Variants in SMARCC2 observed in about 807,000 individuals in gnomAD.
SMARCC2 encodes SWI/SNF related BAF chromatin remodeling complex subunit C2.
In SMARCC2, 15 loss-of-function variants were observed where a neutral mutation model predicts 151.3. The observed-to-expected ratio is 0.10, with a 90% CI of 0.07 to 0.15. SMARCC2 has a LOEUF of 0.15. SMARCC2 is among the 10% of genes least tolerant of loss of function. The pLI is 1.00. For missense variants in SMARCC2, 1,031 were observed against 1,599.7 expected, an observed-to-expected ratio of 0.64 and a Z score of 6.06; for synonymous variants, 590 against 609.5, an observed-to-expected ratio of 0.97 and a Z score of 0.47.
chr12:56,180,023 T>A (rs76607797), intron 11 of SMARCC2, among the ~76,000 whole-genome samples: 4,744 of 152,218 alleles, frequency 0.031, 247 homozygotes, highest in African/African-American at 0.11. Context: ...CATTTTTCAA[T>A]TTTTTAGATA....
chr12:56,165,570 G>A lies in SMARCC2; in HGVS notation c.2980C>T (p.Pro994Ser), dbSNP rs768511269. Residue 994 changes from proline to serine, a missense_variant, in exon 27 of 29, where the codon CCA (proline) becomes TCA (serine). By Grantham distance (74) the Pro-to-Ser change is moderately conservative. This residue lies in a region of SMARCC2 where 310 missense variants were observed against 350.0 expected (regional missense o/e 0.89). Coordinates refer to ENST00000550164, the MANE Select transcript of SMARCC2 (RefSeq NM_001330288.2). ...GGCTGGGAGCCTGGGGGCAGGGCTGGTGGTGGCTGCTGCTGCTGTTGGTGC... is the reference window on the plus strand; with the variant it reads ...GGCTGGGAGCCTGGGGGCAGGGCTGATGGTGGCTGCTGCTGCTGTTGGTGC... The part of the protein sequence containing the change: ...QMHQQQQQPP[P>S]ALPPGSQPIP... 1.2e-6 allele frequency: 2 copies of A among 1,613,516 alleles called. No homozygotes were observed. The highest frequency in any genetic ancestry group is 2.2e-5 in the East Asian group (1 of 44,890).
At chr12:56,180,363 C>T (rs985048977) in intron 11 of SMARCC2, among the ~76,000 whole-genome samples, 1 of 150,604 alleles carries the variant, frequency 6.6e-6, no homozygotes, top group Admixed American at 6.6e-5. Context: ...CCCACCTCGG[C>T]CTGCCAAAGT....
rs111975931 is a variant in SMARCC2, at chr12:56,170,203, T to A, written c.2353A>T (p.Ser785Cys). 139 of 1,613,366 alleles carry A rather than the reference T, an allele frequency of 8.6e-5. 2 individuals are homozygous for A. In the East Asian group the frequency reaches 2.8e-3, roughly 32 times the overall value. ...TCCACCCGAGCCTCGTCATTCCCGC[T>A]CTCCTCTGGGCCCATGAGAAAAGAA... ...TSDEPERIEE[S>C]GNDEARVEGQ... Residue 785 changes from serine (S) to cysteine (C), a missense_variant, in exon 23 of 29, where the codon AGC becomes TGC. Ser to Cys is a moderately radical substitution (Grantham distance 112). Around this residue, in one of 12 missense-constraint regions of SMARCC2, gnomAD observed 119 missense variants for 184.2 expected, o/e 0.65. Coordinates refer to ENST00000550164, the MANE Select transcript of SMARCC2 (RefSeq NM_001330288.2).
intron 5 of SMARCC2, 38 bp from the exon 6 acceptor site, chr12:56,184,282 C>T (rs1375147582): frequency 6.8e-7 from 1 of 1,477,540 alleles, no homozygotes; most frequent in East Asian, 2.3e-5. Flanking sequence ...ATTATGGTCC[C>T]CTCTGAATTA....
intron 6 of SMARCC2, 52 bp from the exon 7 acceptor site, chr12:56,183,982 A>G (rs1242301236): frequency 7.2e-7 from 1 of 1,396,868 alleles, no homozygotes; most frequent in Non-Finnish European, 1.0e-6. Context: ...GGGACACAAA[A>G]AAAATACTGT....
intron 17 of SMARCC2, 35 bp from the exon 18 acceptor site, chr12:56,173,064 C>T (rs573616626): frequency 1.2e-6 from 2 of 1,603,742 alleles, no homozygotes; most frequent in Non-Finnish European, 1.7e-6. Context: ...GGAGGCTGGG[C>T]AGGAAATGAC....
chr12:56,172,463 C>G lies in SMARCC2; in HGVS notation c.1891G>C (p.Glu631Gln). ...AGCAGGGTTTCCTGTTCTGTCCACT[C>G]ACGAGTGGCACTGGCTGCAGCCTTG... is the stretch of plus-strand genomic sequence containing the variant. The part of the protein sequence containing the change: ...KSKAAASATR[E>Q]WTEQETLLLL... Residue 631 changes from glutamate (E) to glutamine (Q), a missense_variant, in exon 20 of 29, where the codon GAG becomes CAG. By Grantham distance (29) the Glu-to-Gln change is conservative (BLOSUM62 2). Coordinates refer to ENST00000550164, the MANE Select transcript of SMARCC2 (RefSeq NM_001330288.2). 1.3e-6 allele frequency: 2 copies of G among 1,594,114 alleles called. No individual in the cohort carries two copies. Among genetic ancestry groups the G allele is most frequent in the Non-Finnish European group, 1.7e-6 (2 of 1,169,260 alleles).
Position 56,165,411 on chromosome 12 carries a change from C to G in SMARCC2, c.3139G>C (p.Ala1047Pro). The stretch of plus-strand genomic sequence containing the variant: ...TGCTGTGGCCCTGCAGTTGACCCTG[C>G]CTGCCCAATCTGTTCAGAAGGGCCC... ...SLGPSEQIGQ[A>P]GSTAGPQQQQ... Residue 1047 changes from alanine to proline, a missense_variant, in exon 27 of 29, where the codon GCA becomes CCA. Transcript: ENST00000550164. 2.0e-6 allele frequency: 3 copies of G among 1,510,566 alleles called. No homozygotes were observed. The highest frequency in any genetic ancestry group is 2.7e-6 in the Non-Finnish European group (3 of 1,131,816). The allele number at this position is 1,510,566 out of a possible 1,614,324, so 93.6% of individuals were successfully genotyped here. A position where few individuals can be genotyped will look rare whatever the true frequency, so the allele number is the denominator to read the frequency against.
Position 56,173,819 on chromosome 12 carries a change from A to G in SMARCC2, c.1527T>C (p.Leu509=). The change falls in exon 17 of 29, where the codon CTT becomes CTC. Residue 509 remains leucine, a synonymous_variant. Coordinates refer to ENST00000550164, the MANE Select transcript of SMARCC2 (RefSeq NM_001330288.2). ...RVHAFLEQWG[L]INYQVDAESR... ...TCTCAGCATCCACCTGGTAGTTAAT[A>G]AGACCCCACTGTTCTAGGAAGGCAT... is the stretch of plus-strand genomic sequence containing the variant. 3.1e-6 allele frequency: 5 copies of G among 1,613,954 alleles called. No individual in the cohort carries two copies. The highest frequency in any genetic ancestry group is 4.2e-6 in the Non-Finnish European group (5 of 1,179,920).
At position 56,175,792 on chromosome 12, in the gene SMARCC2, T is replaced by C. The variant is rs200661994; in HGVS notation, c.1383-1028A>G. On this transcript the variant is annotated intron_variant, in intron 15 of 28. Coordinates refer to ENST00000550164, the MANE Select transcript of SMARCC2 (RefSeq NM_001330288.2). The stretch of plus-strand genomic sequence containing the variant: ...TAAAGATTAAATTACTCAATGTAGG[T>C]TGGACATTTAGTATAGTGCCTGGGA... Among the ~76,000 whole-genome samples the C allele has an allele frequency of 9.2e-5, 14 of 152,132 alleles. No homozygotes were observed. The East Asian group carries it at 1.3e-3, about 15-fold the overall frequency.
chr12:56,172,707 A>G lies in SMARCC2; in HGVS notation c.1744-3T>C. Reference sequence around the variant, plus strand: ...ATTTGTTGGGAAGCAGAGGTCTGCTATTTGTGGAGGGAAAGAAACAGGTGA... The same window carrying G: ...ATTTGTTGGGAAGCAGAGGTCTGCTGTTTGTGGAGGGAAAGAAACAGGTGA... On this transcript the variant is annotated splice_region_variant and splice_polypyrimidine_tract_variant and intron_variant, in intron 18 of 28. Transcript: ENST00000550164. 3 of 1,614,032 alleles carry G rather than the reference A, an allele frequency of 1.9e-6. No individual in the cohort carries two copies. The highest frequency in any genetic ancestry group is 1.7e-6 in the Non-Finnish European group (2 of 1,180,020).
At chr12:56,184,033 G>C in intron 6 of SMARCC2, 103 bp from the exon 7 acceptor site, 1 of 1,063,678 alleles carries the variant, frequency 9.4e-7, no homozygotes, top group Non-Finnish European at 1.4e-6. Context: ...TGTAGCAGGG[G>C]ACTTGGTAAT....
Position 56,162,699 on chromosome 12 carries a change from C to G in SMARCC2, c.*990G>C, listed in dbSNP as rs1851299100. 1 of 201,372 alleles carries G rather than the reference C, an allele frequency of 5.0e-6. No individual in the cohort carries two copies. Among genetic ancestry groups the G allele is most frequent in the Non-Finnish European group, 1.0e-5 (1 of 99,164 alleles). The allele number at this position is 201,372 out of a possible 1,614,324, so 12.5% of individuals were successfully genotyped here. On this transcript the variant is annotated 3_prime_UTR_variant, in exon 29 of 29. Coordinates refer to ENST00000550164, the MANE Select transcript of SMARCC2 (RefSeq NM_001330288.2). ...GCATCCTCATCTGGGGAGCCCCCAG[C>G]TATCAGCTGAAGTTCTCATAGTCTT...
chr12:56,170,337 C>T, intron 22 of SMARCC2, 129 bp from the exon 23 acceptor site: 1 of 770,970 alleles, frequency 1.3e-6, no homozygotes, highest in South Asian at 1.5e-5. Context: ...CTCCTGGGCC[C>T]ACGCAATCCT....
chr12:56,162,815 C>T lies in SMARCC2; in HGVS notation c.*874G>A. On this transcript the variant is annotated 3_prime_UTR_variant, in exon 29 of 29. Transcript: ENST00000550164. Reference sequence around the variant, plus strand: ...TAAAAAACAATTTCAGGTTTTAAAACTTCACATCCTCTTATAGCTCCCTTC... The same window carrying T: ...TAAAAAACAATTTCAGGTTTTAAAATTTCACATCCTCTTATAGCTCCCTTC... 1 of 156,682 alleles carries T rather than the reference C, an allele frequency of 6.4e-6. No homozygotes were observed. The highest frequency in any genetic ancestry group is 1.9e-4 in the South Asian group (1 of 5,344). The allele number at this position is 156,682 out of a possible 1,614,324, so 9.7% of individuals were successfully genotyped here. A position where few individuals can be genotyped will look rare whatever the true frequency, so the allele number is the denominator to read the frequency against.
At position 56,162,798 on chromosome 12, in the gene SMARCC2, A is replaced by T. The variant is rs1437330126; in HGVS notation, c.*891T>A. On this transcript the variant is annotated 3_prime_UTR_variant, in exon 29 of 29. Coordinates refer to ENST00000550164, the MANE Select transcript of SMARCC2 (RefSeq NM_001330288.2). ...GAGGTGCTTAAGTGCTTTAAAAAAC[A>T]ATTTCAGGTTTTAAAACTTCACATC... 1 of 157,322 alleles carries T rather than the reference A, an allele frequency of 6.4e-6. No homozygotes were observed. The highest frequency in any genetic ancestry group is 1.4e-5 in the Non-Finnish European group (1 of 71,024). 9.7% of individuals were successfully genotyped at this position (157,322 alleles called of 1,614,324 possible).
rs1247523377 is a variant in SMARCC2, at chr12:56,163,431, T to G, written c.*258A>C. ...TTGTATAAACACCTTTCACCAGCCC[T>G]TCCTTTAGGGCAGCATTCCCATCCT... On this transcript the variant is annotated 3_prime_UTR_variant, in exon 29 of 29. Transcript: ENST00000550164. 1 of 301,742 alleles carries G rather than the reference T, an allele frequency of 3.3e-6. No individual in the cohort carries two copies. Among genetic ancestry groups the G allele is most frequent in the Admixed American group, 5.1e-5 (1 of 19,618 alleles). 18.7% of individuals were successfully genotyped at this position (301,742 alleles called of 1,614,324 possible). A position where few individuals can be genotyped will look rare whatever the true frequency, so the allele number is the denominator to read the frequency against.
chr12:56,180,827 A>G (rs1876053975), intron 11 of SMARCC2, 150 bp downstream of exon 11: 7 of 790,238 alleles, frequency 8.9e-6, no homozygotes, highest in South Asian at 1.9e-5. Context: ...TTCCAGGGTA[A>G]TGACCGTAAT....
chr12:56,181,886 C>T, intron 8 of SMARCC2, 51 bp from the exon 9 acceptor site: 1 of 1,613,102 alleles, frequency 6.2e-7, no homozygotes, highest in Non-Finnish European at 8.5e-7. Context: ...AGCCACAGCT[C>T]TGTCTGGGGA....
Sources: allele counts gnomAD v4.1 joint callset (sites outside exome capture counted in the v4.1 genomes callset), GRCh38; gene constraint gnomAD v4.1.1; regional missense constraint gnomAD v4.1.1; transcripts MANE v1.5; gene names NCBI Gene and HGNC (gene_info 2026-07-23, HGNC 2026-07-21).